The following TYW1 variants were observed in gnomAD, a reference collection of about 807,000 sequenced individuals.
The protein encoded by TYW1 is tRNA-yW synthesizing protein 1 homolog, also known as S-adenosyl-L-methionine-dependent tRNA 4-demethylwyosine synthase TYW1.
A neutral mutation model predicts 96.2 loss-of-function variants in TYW1; 46 were observed. The ratio of observed to expected loss-of-function variants is 0.48; its 90% CI spans 0.38 to 0.61. TYW1 has a LOEUF of 0.61. Among genes scored for constraint, TYW1 ranks in the 20% least tolerant of loss-of-function variants. TYW1 has a pLI of 0.00. For synonymous variants in TYW1, 274 were observed against 323.0 expected, an observed-to-expected ratio of 0.85 and a Z score of 1.63; for missense variants, 684 against 909.6, an observed-to-expected ratio of 0.75 and a Z score of 3.19.
At chr7:67,034,520 G>A (rs10252707) in intron 7 of TYW1, among the ~76,000 whole-genome samples, 90,963 of 151,656 alleles carry the variant, frequency 0.6, 27,378 homozygotes, top group Middle Eastern at 0.71. Context: ...CAGTTTGACA[G>A]TATTCTTGCA....
intron 15 of TYW1, among the ~76,000 whole-genome samples, chr7:67,238,037 G>A (rs1212311184): frequency 3.9e-5 from 6 of 151,994 alleles, no homozygotes; most frequent in East Asian, 3.9e-4. Context: ...CTGTGTCAGC[G>A]GGACTGCTTG....
At chr7:67,084,304 A>G (rs1796475515) in intron 11 of TYW1, among the ~76,000 whole-genome samples, 1 of 152,204 alleles carries the variant, frequency 6.6e-6, no homozygotes, top group Non-Finnish European at 1.5e-5. Context: ...CTTCCATCTA[A>G]TGCACAGTAA....
chr7:67,092,775 T>C (rs1796768615), intron 11 of TYW1, among the ~76,000 whole-genome samples: 1 of 135,796 alleles, frequency 7.4e-6, no homozygotes, highest in Admixed American at 8.0e-5. Flanking sequence ...CTCCGCCTCC[T>C]GGGTTCAAGC....
intron 5 of TYW1, among the ~76,000 whole-genome samples, chr7:67,016,560 TAAATA>T (rs1298588982): frequency 1.3e-5 from 2 of 152,014 alleles, no homozygotes; most frequent in Non-Finnish European, 2.9e-5. Flanking sequence ...AAAAAATAAA[TAAATA>T]AAATAAAAGC....
chr7:67,083,564 A>C lies in TYW1; in HGVS notation c.1384+25A>C, dbSNP rs376238583. ...GGTATTTATCTTCCCTCTACAAAGG[A>C]ATGCTAATACCTGTTAATAGTCTGA... On this transcript the variant is annotated intron_variant, in intron 11 of 15. Transcript: ENST00000359626. The C allele has an allele frequency of 2.0e-5, 32 of 1,612,268 alleles. No homozygotes were observed. In the South Asian group the frequency reaches 3.2e-4, roughly 16 times the overall value.
At chr7:67,100,158 C>G (rs1257029751) in intron 12 of TYW1, among the ~76,000 whole-genome samples, 3 of 151,962 alleles carry the variant, frequency 2.0e-5, no homozygotes, top group Admixed American at 1.3e-4. Context: ...CAGCAGAGGG[C>G]TCTTGTAAGG....
At chr7:67,102,088 T>C (rs1244029548) in intron 12 of TYW1, among the ~76,000 whole-genome samples, 1 of 151,770 alleles carries the variant, frequency 6.6e-6, no homozygotes, top group African/African-American at 2.4e-5. Context: ...AAAAAGGGAG[T>C]CTGTCTTAAA....
At chr7:67,195,670 A>C (rs1048940234) in intron 15 of TYW1, among the ~76,000 whole-genome samples, 3 of 152,170 alleles carry the variant, frequency 2.0e-5, no homozygotes, top group African/African-American at 7.2e-5. Context: ...CTAAAATAGT[A>C]AATAGTCCCC....
At chr7:67,237,478 C>T (rs1178537351) in intron 15 of TYW1, among the ~76,000 whole-genome samples, 1 of 140,446 alleles carries the variant, frequency 7.1e-6, no homozygotes, top group African/African-American at 2.7e-5. Flanking sequence ...CCAGCCTGGG[C>T]TACAGAGTGA....
chr7:67,062,554 G>A lies in TYW1; in HGVS notation c.1156-4731G>A, dbSNP rs200769069. Among the ~76,000 whole-genome samples, 23 of 85,328 alleles carry A rather than the reference G, an allele frequency of 2.7e-4. 1 individual carries two copies. The highest frequency in any genetic ancestry group is 2.3e-3 in the East Asian group (10 of 4,298). The allele number at this position is 85,328 out of a possible 152,430, so 56.0% of individuals were successfully genotyped here. On this transcript the variant is annotated intron_variant, in intron 9 of 15. Transcript: ENST00000359626. ...CCAGATATAGCCTGGGTGACAGAGC[G>A]AGACTCCGTCTCAAAAAAAAAAAAA...
At chr7:67,112,568 A>G (rs1563019889) in intron 12 of TYW1, among the ~76,000 whole-genome samples, 1 of 151,692 alleles carries the variant, frequency 6.6e-6, no homozygotes, top group Non-Finnish European at 1.5e-5. Context: ...GTGAGCCAAG[A>G]TCATGCCCCT....
intron 13 of TYW1, among the ~76,000 whole-genome samples, chr7:67,181,053 G>A (rs112689830): frequency 6.6e-6 from 1 of 152,072 alleles, no homozygotes; most frequent in African/African-American, 2.4e-5. Context: ...TTTACCAAAT[G>A]GTGTTTGATT....
At chr7:67,095,059 C>T (rs1474851396) in intron 11 of TYW1, among the ~76,000 whole-genome samples, 5 of 151,446 alleles carry the variant, frequency 3.3e-5, no homozygotes, top group South Asian at 2.1e-4. Flanking sequence ...AGTGCAGTGG[C>T]GCAGTCTCAG....
chr7:67,005,544 C>T (rs574964462), intron 3 of TYW1, among the ~76,000 whole-genome samples: 152 of 152,286 alleles, frequency 1.0e-3, no homozygotes, highest in Non-Finnish European at 1.8e-3. Flanking sequence ...TGCAGTAAGC[C>T]GTGACTGTGC....
intron 10 of TYW1, among the ~76,000 whole-genome samples, chr7:67,078,989 T>G (rs1461084078): frequency 2.6e-5 from 4 of 152,218 alleles, no homozygotes. Flanking sequence ...CCACCGCGCC[T>G]GGCTGAGGAT....
In TYW1 at chr7:67,017,898, C is replaced by T. The variant is rs760966153; in HGVS notation, c.616C>T (p.Arg206Cys). The change falls in exon 6 of 16, where the codon CGT becomes TGT. Residue 206 changes from arginine (R) to cysteine (C), a missense_variant. Coordinates refer to ENST00000359626, the MANE Select transcript of TYW1 (RefSeq NM_018264.4). ...DKWLWMLGAH[R>C]VMSRGEGDCD... is the part of the protein sequence containing the mutation. ...GTGGCTCTGGATGCTTGGCGCGCAT[C>T]GTGTGATGAGTCGAGGGGAGGGCGA... The T allele has an allele frequency of 4.8e-5, 78 of 1,613,868 alleles. 1 individual carries two copies. The East Asian group carries it at 4.9e-4, about 10-fold the overall frequency.
chr7:67,151,031 C>G (rs1197605670), intron 13 of TYW1, among the ~76,000 whole-genome samples: 5 of 151,988 alleles, frequency 3.3e-5, no homozygotes, highest in Non-Finnish European at 7.3e-5. Flanking sequence ...TGATTCTTTT[C>G]CTGCCATTAT....
chr7:67,230,570 T>C (rs1801720641), intron 15 of TYW1, among the ~76,000 whole-genome samples: 1 of 151,904 alleles, frequency 6.6e-6, no homozygotes, highest in Admixed American at 6.6e-5. Context: ...ATTCATTTGG[T>C]ATTTATCTCC....
intron 10 of TYW1, among the ~76,000 whole-genome samples, chr7:67,071,229 T>A (rs1040702513): frequency 6.6e-6 from 1 of 152,146 alleles, no homozygotes; most frequent in African/African-American, 2.4e-5. Context: ...TATTGCTTGC[T>A]CTGGGTTTTG....
Sources: allele counts gnomAD v4.1 joint callset (sites outside exome capture counted in the v4.1 genomes callset), GRCh38; gene constraint gnomAD v4.1.1; transcripts MANE v1.5; gene names NCBI Gene and HGNC (gene_info 2026-07-23, HGNC 2026-07-21).